COL4A4: variants seen among roughly 807,000 people sequenced by gnomAD.
COL4A4 encodes collagen alpha-4(IV) chain.
COL4A4 carries 105 observed loss-of-function variants against 192.9 expected under a neutral mutation model. That is an observed-to-expected ratio of 0.54 (90% CI 0.46 to 0.64). The LOEUF is 0.64. COL4A4 is among the 30% of genes least tolerant of loss of function. The probability of loss-of-function intolerance (pLI) is 0.00; values close to 1 mark genes in which losing one functional copy is unlikely to be tolerated. For missense variants in COL4A4, 1,967 were observed against 2,169.3 expected (o/e 0.91, Z 1.85); for synonymous variants, 762 against 769.9 (o/e 0.99, Z 0.17).
At chr2:227,015,387 C>T (rs1315317441) in intron 44 of COL4A4, among the ~76,000 whole-genome samples, 2 of 152,158 alleles carry the variant, frequency 1.3e-5, no homozygotes, top group Non-Finnish European at 2.9e-5. Flanking sequence ...AATAAAGACT[C>T]TCAGAGCCCT....
intron 2 of COL4A4, 125 bp from the exon 3 acceptor site, chr2:227,144,683 C>A: frequency 1.4e-6 from 1 of 731,694 alleles, no homozygotes; most frequent in Non-Finnish European, 2.4e-6. Context: ...CTCCTACTAG[C>A]CGACTTGTCA....
At chr2:227,014,252 G>A (rs950900369) in intron 44 of COL4A4, among the ~76,000 whole-genome samples, 1 of 152,154 alleles carries the variant, frequency 6.6e-6, no homozygotes. Flanking sequence ...TGACATTCTG[G>A]AACACTGGCT....
At chr2:227,111,197 A>T (rs1162586118) in intron 9 of COL4A4, among the ~76,000 whole-genome samples, 1 of 152,240 alleles carries the variant, frequency 6.6e-6, no homozygotes, top group East Asian at 1.9e-4. Context: ...TAGTTTTGTG[A>T]AACTTTCTCA....
At chr2:227,144,324 A>T (rs147390880) in intron 3 of COL4A4, among the ~76,000 whole-genome samples, 192 bp downstream of exon 3, 6 of 152,374 alleles carry the variant, frequency 3.9e-5, no homozygotes, top group African/African-American at 1.2e-4. Flanking sequence ...AATCCCCAAT[A>T]CCTAGGCAAT....
In COL4A4 at chr2:227,062,740, T is replaced by G. The variant is rs551259701; in HGVS notation, c.1988-142A>C. On this transcript the variant is annotated intron_variant, in intron 25 of 47. Coordinates refer to ENST00000396625, the MANE Select transcript of COL4A4 (RefSeq NM_000092.5). ...GAAAAAGAAGACTCCCAAGTATCAT[T>G]AGATCACTTAAGCTGCTTTCATACA... 1.3e-4 allele frequency: 88 copies of G among 692,078 alleles called. 2 individuals carry two copies. The South Asian group carries it at 1.4e-3, about 11-fold the overall frequency. The allele number at this position is 692,078 out of a possible 1,614,324, so 42.9% of individuals were successfully genotyped here.
At chr2:227,047,628 T>C (rs555148674) in intron 34 of COL4A4, 79 bp from the exon 35 acceptor site, 1 of 874,594 alleles carries the variant, frequency 1.1e-6, no homozygotes, top group African/African-American at 1.7e-5. Flanking sequence ...ACGTTTATGG[T>C]ATTTGTATAG....
chr2:226,995,631 C>A, the COL4A4 span: 1 of 773,890 alleles, frequency 1.3e-6, no homozygotes. Context: ...CAGAGTACAC[C>A]GGTATTGCTC....
At chr2:227,100,690 G>C (rs1390347849) in intron 17 of COL4A4, among the ~76,000 whole-genome samples, 1 of 152,112 alleles carries the variant, frequency 6.6e-6, no homozygotes, top group Non-Finnish European at 1.5e-5. Context: ...GATATGGTTT[G>C]GCTGTGCCCC....
At chr2:227,067,877 C>T (rs1433514235) in intron 25 of COL4A4, among the ~76,000 whole-genome samples, 2 of 143,806 alleles carry the variant, frequency 1.4e-5, no homozygotes, top group African/African-American at 2.6e-5. Context: ...CAGAGCAGGA[C>T]TGAAAGAAAT....
chr2:227,163,496 CACA>C (rs1217175950), intron 1 of COL4A4, among the ~76,000 whole-genome samples: 6 of 152,232 alleles, frequency 3.9e-5, no homozygotes, highest in Non-Finnish European at 5.9e-5. Context: ...TTATGCATTT[CACA>C]ACATTCTTCT....
intron 1 of COL4A4, among the ~76,000 whole-genome samples, chr2:227,150,209 A>C (rs1299780575): frequency 6.6e-6 from 1 of 152,196 alleles, no homozygotes; most frequent in East Asian, 1.9e-4. Flanking sequence ...GGCGTGGAAG[A>C]AGGAAGAATG....
intron 13 of COL4A4, among the ~76,000 whole-genome samples, chr2:227,103,426 C>T (rs1455707209): frequency 2.6e-5 from 4 of 152,182 alleles, no homozygotes; most frequent in Non-Finnish European, 5.9e-5. Context: ...CGGAACCAGG[C>T]AGCAGATACA....
At chr2:227,011,192 T>C (rs1301509566) in intron 45 of COL4A4, among the ~76,000 whole-genome samples, 1 of 152,218 alleles carries the variant, frequency 6.6e-6, no homozygotes, top group Non-Finnish European at 1.5e-5. Flanking sequence ...AGGAGCTGTT[T>C]CTAATTGCCA....
At chr2:227,016,510 A>G (rs1575766205) in intron 44 of COL4A4, among the ~76,000 whole-genome samples, 1 of 152,292 alleles carries the variant, frequency 6.6e-6, no homozygotes, top group Middle Eastern at 3.4e-3. Flanking sequence ...ATCTACAGCT[A>G]TGCTGCAGCA....
intron 17 of COL4A4, among the ~76,000 whole-genome samples, chr2:227,100,310 G>T (rs1442472817): frequency 6.6e-6 from 1 of 152,060 alleles, no homozygotes; most frequent in East Asian, 1.9e-4. Context: ...CCTTCAAAAG[G>T]ATCACTTCTC....
At chr2:227,124,277 T>C (rs1014086058) in intron 4 of COL4A4, among the ~76,000 whole-genome samples, 1 of 152,150 alleles carries the variant, frequency 6.6e-6, no homozygotes, top group Non-Finnish European at 1.5e-5. Context: ...GCAAAAGTAA[T>C]TGTGGTTTTT....
chr2:227,028,642 A>C (rs973338663), intron 41 of COL4A4, among the ~76,000 whole-genome samples: 1 of 113,092 alleles, frequency 8.8e-6, no homozygotes, highest in Admixed American at 9.7e-5. Flanking sequence ...TTATAAAAGA[A>C]ATTTATTATT....
intron 27 of COL4A4, 57 bp from the exon 28 acceptor site, chr2:227,059,680 A>G: frequency 1.7e-6 from 2 of 1,200,526 alleles, no homozygotes; most frequent in South Asian, 2.4e-5. Flanking sequence ...TAGAACCAAT[A>G]CATATAAGAC....
At chr2:227,060,930 T>C (rs919187499) in intron 26 of COL4A4, among the ~76,000 whole-genome samples, 1 of 152,034 alleles carries the variant, frequency 6.6e-6, no homozygotes, top group Admixed American at 6.6e-5. Context: ...GGTTTCACCG[T>C]GTTAGCCAGG....
Sources: allele counts gnomAD v4.1 joint callset (sites outside exome capture counted in the v4.1 genomes callset), GRCh38; gene constraint gnomAD v4.1.1; transcripts MANE v1.5; gene names NCBI Gene and HGNC (gene_info 2026-07-23, HGNC 2026-07-21).